The following KCNIP4 variants were observed in gnomAD, a reference collection of about 807,000 sequenced individuals.
The protein encoded by KCNIP4 is potassium voltage-gated channel interacting protein 4, also known as Kv channel-interacting protein 4.
Under a neutral mutation model 34.0 loss-of-function variants are expected in KCNIP4, and 12 were observed. The observed-to-expected ratio is 0.35, with a 90% CI of 0.23 to 0.57. The LOEUF (loss-of-function observed/expected upper bound fraction) is 0.57. Among genes scored for constraint, KCNIP4 ranks in the 20% least tolerant of loss-of-function variants. The probability of loss-of-function intolerance (pLI) is 0.83; values close to 1 mark genes in which losing one functional copy is unlikely to be tolerated. For synonymous variants in KCNIP4, 124 were observed against 102.2 expected (o/e 1.21, Z -1.29); for missense variants, 238 against 311.7 (o/e 0.76, Z 1.78).
chr4:21,063,323 GTT>G (rs1744086770), intron 1 of KCNIP4, among the ~76,000 whole-genome samples: 1 of 152,118 alleles, frequency 6.6e-6, no homozygotes, highest in Admixed American at 6.6e-5. Context: ...CTACACTAAA[GTT>G]AAATATTTTA....
At chr4:21,940,302 GT>G (rs921973869) in intron 1 of KCNIP4, among the ~76,000 whole-genome samples, 1 of 152,092 alleles carries the variant, frequency 6.6e-6, no homozygotes, top group Non-Finnish European at 1.5e-5. Flanking sequence ...TATTCTATAG[GT>G]CCCCAAAGAG....
chr4:21,103,650 C>T (rs144293460), intron 1 of KCNIP4, among the ~76,000 whole-genome samples: 2,514 of 149,662 alleles, frequency 0.017, 76 homozygotes, highest in African/African-American at 0.056. Context: ...TAGTTACATA[C>T]GTATACATGT....
In KCNIP4 at chr4:21,599,207, C is replaced by G. The variant is rs190365892; in HGVS notation, c.61+349364G>C. Among the ~76,000 whole-genome samples the G allele has an allele frequency of 2.3e-3, 353 of 152,148 alleles. 2 individuals carry two copies. Among genetic ancestry groups the G allele is most frequent in the African/African-American group, 8.1e-3 (338 of 41,542 alleles). On this transcript the variant is annotated intron_variant, in intron 1 of 8. Transcript: ENST00000382152. ...TCCTCCCCTGTTTCACATGTTAAAACAAATAATACATTTTGAATATTAATA... is the reference window on the plus strand; with the variant it reads ...TCCTCCCCTGTTTCACATGTTAAAAGAAATAATACATTTTGAATATTAATA...
chr4:21,338,316 C>A (rs1283558905), intron 1 of KCNIP4, among the ~76,000 whole-genome samples: 1 of 150,236 alleles, frequency 6.7e-6, no homozygotes, highest in Non-Finnish European at 1.5e-5. Flanking sequence ...AGAAGGGTAC[C>A]CCACTCAAGA....
chr4:21,613,514 CAGA>C (rs1266411526), intron 1 of KCNIP4: 2 of 152,248 alleles, frequency 1.3e-5, no homozygotes, highest in African/African-American at 4.8e-5. Flanking sequence ...GACCCCTGTC[CAGA>C]AGAACACAAT....
intron 1 of KCNIP4, among the ~76,000 whole-genome samples, chr4:21,618,630 C>CTTTTTCTT (rs1280886806): frequency 1.2e-4 from 10 of 81,788 alleles, no homozygotes; most frequent in African/African-American, 2.0e-4. Flanking sequence ...TTTTCTTTTT[C>CTTTTTCTT]TTTTTTTTTT....
intron 1 of KCNIP4, among the ~76,000 whole-genome samples, chr4:21,020,394 T>C (rs1739931091): frequency 6.6e-6 from 1 of 152,070 alleles, no homozygotes; most frequent in Non-Finnish European, 1.5e-5. Flanking sequence ...AAGTAACAAA[T>C]AGTGCGATGT....
At chr4:20,763,059 C>G (rs1421358745) in intron 3 of KCNIP4, among the ~76,000 whole-genome samples, 1 of 152,230 alleles carries the variant, frequency 6.6e-6, no homozygotes, top group Non-Finnish European at 1.5e-5. Context: ...GGAACTGCCT[C>G]CATGATTCAA....
chr4:21,677,480 G>A (rs1749999884), intron 1 of KCNIP4, among the ~76,000 whole-genome samples: 1 of 152,094 alleles, frequency 6.6e-6, no homozygotes, highest in Admixed American at 6.6e-5. Flanking sequence ...CAGGCCATCA[G>A]TACCTCTTGA....
At chr4:21,381,654 TG>T (rs1209731342) in intron 1 of KCNIP4, among the ~76,000 whole-genome samples, 1 of 152,218 alleles carries the variant, frequency 6.6e-6, no homozygotes, top group African/African-American at 2.4e-5. Context: ...AAAGCCAACT[TG>T]GGCTTCATAT....
Position 21,814,156 on chromosome 4 carries a change from T to G in KCNIP4, c.61+134415A>C, listed in dbSNP as rs1233900689. Reference sequence around the variant, plus strand: ...GTGACTGGGAATCACGAGGTTATAATTCACATATTTCTAATCTAACCTTTT... The same window carrying G: ...GTGACTGGGAATCACGAGGTTATAAGTCACATATTTCTAATCTAACCTTTT... On this transcript the variant is annotated intron_variant, in intron 1 of 8. Transcript: ENST00000382152. Among the ~76,000 whole-genome samples the G allele has an allele frequency of 3.3e-5, 5 of 152,162 alleles. No individual in the cohort carries two copies. In the East Asian group the frequency reaches 7.7e-4, roughly 23 times the overall value.
intron 1 of KCNIP4, among the ~76,000 whole-genome samples, chr4:21,467,055 C>G (rs1730013650): frequency 2.1e-5 from 3 of 139,572 alleles, no homozygotes; most frequent in Non-Finnish European, 4.6e-5. Flanking sequence ...CAAAACCAAA[C>G]CAAACCAAAC....
chr4:20,839,059 A>C (rs1282146038), intron 3 of KCNIP4, among the ~76,000 whole-genome samples: 1 of 152,176 alleles, frequency 6.6e-6, no homozygotes, highest in Admixed American at 6.6e-5. Context: ...ACAGAATAAA[A>C]GTAACCACAA....
At position 21,412,948 on chromosome 4, in the gene KCNIP4, T is replaced by C. The variant is rs899389987; in HGVS notation, c.62-530239A>G. Among the ~76,000 whole-genome samples, 3 of 152,210 alleles carry C rather than the reference T, an allele frequency of 2.0e-5. 1 individual carries two copies. The highest frequency in any genetic ancestry group is 1.5e-5 in the Non-Finnish European group (1 of 68,040). ...CTCTGTGTTTAGATAGGAGTGAACA[T>C]GACACATTGCCTCAGGGGGAGCTTC... On this transcript the variant is annotated intron_variant, in intron 1 of 8. Transcript: ENST00000382152.
At position 21,366,378 on chromosome 4, in the gene KCNIP4, T is replaced by C. The variant is rs559394994; in HGVS notation, c.62-483669A>G. Among the ~76,000 whole-genome samples, 9 of 152,270 alleles carry C rather than the reference T, an allele frequency of 5.9e-5. No individual in the cohort carries two copies. The South Asian group carries it at 1.9e-3, about 32-fold the overall frequency. ...AGCCATGCCAGCAATTGCCTCTTCC[T>C]CATATGGAAATCTTTGCAGCCCTGT... On this transcript the variant is annotated intron_variant, in intron 1 of 8. Coordinates refer to ENST00000382152, the MANE Select transcript of KCNIP4 (RefSeq NM_025221.6).
chr4:21,167,578 G>A (rs535014252), intron 1 of KCNIP4, among the ~76,000 whole-genome samples: 15 of 152,160 alleles, frequency 9.9e-5, no homozygotes, highest in Non-Finnish European at 2.1e-4. Flanking sequence ...CAGATTAGAA[G>A]TTAAATGCTT....
chr4:20,841,532 T>G (rs1474375560), intron 3 of KCNIP4, among the ~76,000 whole-genome samples: 2 of 152,066 alleles, frequency 1.3e-5, no homozygotes, highest in African/African-American at 4.8e-5. Context: ...TCAGTTTCCC[T>G]CCCCTTTTAA....
At chr4:21,426,092 C>G (rs1293938750) in intron 1 of KCNIP4, among the ~76,000 whole-genome samples, 3 of 152,048 alleles carry the variant, frequency 2.0e-5, no homozygotes, top group African/African-American at 7.2e-5. Context: ...TATGTGGAAA[C>G]ATTATTGAGC....
intron 3 of KCNIP4, among the ~76,000 whole-genome samples, chr4:20,769,478 A>G (rs1332315353): frequency 1.3e-5 from 2 of 152,164 alleles, no homozygotes; most frequent in African/African-American, 4.8e-5. Context: ...TTTAAAAATT[A>G]TGATGTAGTG....
Sources: allele counts gnomAD v4.1 joint callset (sites outside exome capture counted in the v4.1 genomes callset), GRCh38; gene constraint gnomAD v4.1.1; transcripts MANE v1.5; gene names NCBI Gene and HGNC (gene_info 2026-07-23, HGNC 2026-07-21).